Variants in GULP1 observed in about 807,000 individuals in gnomAD.
GULP1 encodes GULP PTB domain containing engulfment adaptor 1, also known as PTB domain-containing engulfment adapter protein 1.
In GULP1, 19 loss-of-function variants were observed where a neutral mutation model predicts 40.9. That is an observed-to-expected ratio of 0.46 (90% CI 0.32 to 0.68). The LOEUF is 0.68. Ranked by LOEUF, GULP1 falls within the 30% of genes least tolerant of loss-of-function variation. The pLI, the probability that GULP1 is intolerant of heterozygous loss-of-function variation, is 0.03. For synonymous variants in GULP1, 119 were observed against 117.6 expected (o/e 1.01, Z -0.08); for missense variants, 312 against 362.2 (o/e 0.86, Z 1.12).
intron 2 of GULP1, among the ~76,000 whole-genome samples, chr2:188,416,776 GTAGT>G (rs201640618): frequency 7.9e-5 from 12 of 152,172 alleles, no homozygotes; most frequent in Non-Finnish European, 1.2e-4. Flanking sequence ...TGAACATATA[GTAGT>G]TAGTAGAAAA....
At chr2:188,373,615 G>T (rs186711853) in intron 1 of GULP1, among the ~76,000 whole-genome samples, 1 of 151,870 alleles carries the variant, frequency 6.6e-6, no homozygotes, top group Admixed American at 6.6e-5. Flanking sequence ...GCAGTGAAAA[G>T]GTATCAAAGC....
At chr2:188,295,552 A>G (rs1484591344) in intron 1 of GULP1, among the ~76,000 whole-genome samples, 1 of 152,154 alleles carries the variant, frequency 6.6e-6, no homozygotes, top group African/African-American at 2.4e-5. Context: ...AGTAAAATAT[A>G]CTACATATTT....
rs73036417 is a variant in GULP1 at position 188,315,073 on chromosome 2, C to T, written c.-172+22907C>T. On this transcript the variant is annotated intron_variant, in intron 1 of 11. Transcript: ENST00000409830. ...TGAAATGCTTACTTTAAGTGAAAAGCTGAATGTTTTCAACTTAATAAGGAA... is the reference window on the plus strand; with the variant it reads ...TGAAATGCTTACTTTAAGTGAAAAGTTGAATGTTTTCAACTTAATAAGGAA... Among the ~76,000 whole-genome samples, 412 of 152,064 alleles carry T rather than the reference C, an allele frequency of 2.7e-3. 2 individuals are homozygous for T. Among genetic ancestry groups the T allele is most frequent in the African/African-American group, 9.3e-3 (387 of 41,492 alleles).
intron 1 of GULP1, among the ~76,000 whole-genome samples, chr2:188,349,583 TGA>T (rs1237705067): frequency 6.6e-6 from 1 of 152,194 alleles, no homozygotes; most frequent in African/African-American, 2.4e-5. Flanking sequence ...AGTTTTTAAT[TGA>T]GTTGTCTTTT....
rs540228405 is a variant in GULP1, at chr2:188,315,831, T to C, written c.-172+23665T>C. ...TTATGGTAATGTACGGTAATAAAAG[T>C]TATATGAATGCTCCCTCTCTCGGTC... On this transcript the variant is annotated intron_variant, in intron 1 of 11. Coordinates refer to ENST00000409830, the MANE Select transcript of GULP1 (RefSeq NM_016315.4). Among the ~76,000 whole-genome samples the C allele has an allele frequency of 4.6e-5, 7 of 151,954 alleles. No individual in the cohort carries two copies. The East Asian group carries it at 1.4e-3, about 29-fold the overall frequency.
At chr2:188,502,172 GATGTT>G (rs1258085112) in intron 4 of GULP1, among the ~76,000 whole-genome samples, 4 of 111,682 alleles carry the variant, frequency 3.6e-5, no homozygotes, top group Non-Finnish European at 7.9e-5. Context: ...GGATGGAATA[GATGTT>G]TATAAAACTG....
At chr2:188,527,688 A>G (rs1686534775) in intron 5 of GULP1, among the ~76,000 whole-genome samples, 1 of 152,336 alleles carries the variant, frequency 6.6e-6, no homozygotes, top group African/African-American at 2.4e-5. Context: ...CTGAAAAATT[A>G]TACCACCCAA....
At chr2:188,538,178 A>T (rs1199171322) in intron 6 of GULP1, among the ~76,000 whole-genome samples, 1 of 151,592 alleles carries the variant, frequency 6.6e-6, no homozygotes, top group Admixed American at 6.6e-5. Context: ...TTTTCTCTCA[A>T]TTTCATTCAA....
intron 1 of GULP1, among the ~76,000 whole-genome samples, chr2:188,331,934 AT>A (rs2041648975): frequency 6.6e-6 from 1 of 152,146 alleles, no homozygotes; most frequent in South Asian, 2.1e-4. Context: ...AATGAAAAAA[AT>A]TTAATGAGTA....
intron 2 of GULP1, among the ~76,000 whole-genome samples, chr2:188,447,639 A>G (rs1278740720): frequency 6.6e-6 from 1 of 152,204 alleles, no homozygotes; most frequent in African/African-American, 2.4e-5. Flanking sequence ...AGATGCAATC[A>G]TGTTGAATTG....
chr2:188,418,734 A>G (rs1309501853), intron 2 of GULP1, among the ~76,000 whole-genome samples: 1 of 152,238 alleles, frequency 6.6e-6, no homozygotes, highest in Non-Finnish European at 1.5e-5. Flanking sequence ...TAGTAAAAAC[A>G]CAATGTGAGA....
chr2:188,392,635 T>A lies in GULP1; in HGVS notation c.-45+8746T>A, dbSNP rs544377839. Among the ~76,000 whole-genome samples the A allele has an allele frequency of 2.6e-5, 4 of 152,176 alleles. No individual in the cohort carries two copies. In the East Asian group the frequency reaches 7.7e-4, roughly 29 times the overall value. Reference sequence around the variant, plus strand: ...CATTATTCCTTATCTTCTGCTAGTTTTGAGTTTGGTTTGTTCTTGTTTCTC... The same window carrying A: ...CATTATTCCTTATCTTCTGCTAGTTATGAGTTTGGTTTGTTCTTGTTTCTC... On this transcript the variant is annotated intron_variant, in intron 2 of 11. Transcript: ENST00000409830.
chr2:188,480,276 C>G (rs1053676432), intron 3 of GULP1, among the ~76,000 whole-genome samples: 3 of 151,898 alleles, frequency 2.0e-5, no homozygotes, highest in Admixed American at 1.3e-4. Context: ...CCAAAACTAC[C>G]ATCAACATAC....
At chr2:188,381,439 C>A (rs2048992040) in intron 1 of GULP1, among the ~76,000 whole-genome samples, 1 of 151,848 alleles carries the variant, frequency 6.6e-6, no homozygotes, top group Non-Finnish European at 1.5e-5. Context: ...ATAATATTTT[C>A]TTTTATTAAA....
chr2:188,465,585 C>T (rs2060042781), intron 2 of GULP1, among the ~76,000 whole-genome samples: 1 of 152,158 alleles, frequency 6.6e-6, no homozygotes, highest in Non-Finnish European at 1.5e-5. Flanking sequence ...AGCACTTTAG[C>T]TCATGATGGC....
In GULP1 at chr2:188,576,444, C is replaced by A. The variant is rs992354199; in HGVS notation, c.609+6324C>A. Among the ~76,000 whole-genome samples the A allele has an allele frequency of 2.0e-5, 3 of 152,056 alleles. No individual in the cohort carries two copies. The East Asian group carries it at 5.8e-4, about 29-fold the overall frequency. On this transcript the variant is annotated intron_variant, in intron 9 of 11. Coordinates refer to ENST00000409830, the MANE Select transcript of GULP1 (RefSeq NM_016315.4). ...TATACCTTTAATATTTGCTTCCGAC[C>A]CTTTTCACTTAAAACCAATTCACCA...
At chr2:188,376,614 T>TAAGCATTCAAG (rs1481708815) in intron 1 of GULP1, among the ~76,000 whole-genome samples, 1 of 152,138 alleles carries the variant, frequency 6.6e-6, no homozygotes, top group Non-Finnish European at 1.5e-5. Flanking sequence ...AGTTATAAAA[T>TAAGCATTCAAG]AAGCATTCAA....
intron 1 of GULP1, among the ~76,000 whole-genome samples, chr2:188,378,535 C>G (rs777971843): frequency 2.0e-5 from 3 of 152,080 alleles, no homozygotes; most frequent in Admixed American, 6.6e-5. Context: ...AAGCTATATA[C>G]GACACATGGT....
chr2:188,540,453 T>TGC (rs971371398), intron 6 of GULP1, among the ~76,000 whole-genome samples: 1 of 150,548 alleles, frequency 6.6e-6, no homozygotes, highest in African/African-American at 2.5e-5. Flanking sequence ...TGTGTGTGTG[T>TGC]GCGTGTGTAA....
Sources: allele counts gnomAD v4.1 joint callset (sites outside exome capture counted in the v4.1 genomes callset), GRCh38; gene constraint gnomAD v4.1.1; transcripts MANE v1.5; gene names NCBI Gene and HGNC (gene_info 2026-07-23, HGNC 2026-07-21).